Variants in PAAF1 observed in about 807,000 individuals in gnomAD.
PAAF1 encodes proteasomal ATPase-associated factor 1.
PAAF1 carries 46 observed loss-of-function variants against 52.8 expected under a neutral mutation model. The ratio of observed to expected loss-of-function variants is 0.87; its 90% CI spans 0.69 to 1.11. The LOEUF is 1.11. PAAF1 is among the 50% of genes most tolerant of loss of function. The pLI, the probability that PAAF1 is intolerant of heterozygous loss-of-function variation, is 0.00. For synonymous variants in PAAF1, 178 were observed against 172.8 expected (o/e 1.03, Z -0.24); for missense variants, 424 against 477.4 (o/e 0.89, Z 1.04).
At chr11:73,911,397 G>A (rs1316950755) in intron 7 of PAAF1, among the ~76,000 whole-genome samples, 1 of 152,066 alleles carries the variant, frequency 6.6e-6, no homozygotes, top group Admixed American at 6.6e-5. Context: ...TGCCCAGGCT[G>A]GTGTTGAACT....
intron 10 of PAAF1, among the ~76,000 whole-genome samples, chr11:73,923,820 A>G (rs966225531): frequency 2.6e-5 from 4 of 152,124 alleles, no homozygotes; most frequent in Admixed American, 2.0e-4. Flanking sequence ...TAAGAATTAG[A>G]TACACTTTTA....
intron 4 of PAAF1, among the ~76,000 whole-genome samples, chr11:73,898,052 G>A (rs545686461): frequency 1.3e-4 from 20 of 152,278 alleles, no homozygotes; most frequent in African/African-American, 3.4e-4. Flanking sequence ...GCGTGGCGGC[G>A]CGCGCCTGCA....
intron 7 of PAAF1, among the ~76,000 whole-genome samples, chr11:73,912,367 C>G (rs1949956485): frequency 1.3e-5 from 2 of 152,086 alleles, no homozygotes; most frequent in Admixed American, 1.3e-4. Context: ...TTTTTTCCAT[C>G]TCAGAAGATG....
At chr11:73,898,645 T>C (rs1949503276) in intron 4 of PAAF1, among the ~76,000 whole-genome samples, 1 of 152,110 alleles carries the variant, frequency 6.6e-6, no homozygotes, top group African/African-American at 2.4e-5. Context: ...GGTGAAACTC[T>C]GTCTCTACCG....
At chr11:73,888,601 G>A (rs915305637) in intron 3 of PAAF1, among the ~76,000 whole-genome samples, 30 of 152,018 alleles carry the variant, frequency 2.0e-4, no homozygotes, top group African/African-American at 7.2e-4. Context: ...AAATATTTTG[G>A]GTATACTGAC....
chr11:73,878,717 G>T (rs561614647), intron 1 of PAAF1, 62 bp from the exon 2 acceptor site: 2 of 1,502,394 alleles, frequency 1.3e-6, no homozygotes, highest in Non-Finnish European at 9.2e-7. Flanking sequence ...TTCTTCCCTT[G>T]TAACTATGGG....
At chr11:73,896,625 C>T (rs1020870150) in intron 4 of PAAF1, among the ~76,000 whole-genome samples, 9 of 151,950 alleles carry the variant, frequency 5.9e-5, no homozygotes, top group Non-Finnish European at 8.8e-5. Context: ...GTAAGGTCAC[C>T]GATCAACAGG....
intron 5 of PAAF1, 126 bp downstream of exon 5, chr11:73,899,370 C>A: frequency 1.9e-6 from 1 of 517,890 alleles, no homozygotes; most frequent in Non-Finnish European, 3.5e-6. Flanking sequence ...GTCAGTTGAT[C>A]TCTTTTCTCC....
chr11:73,903,727 A>C (rs999701834), intron 6 of PAAF1, among the ~76,000 whole-genome samples: 2 of 151,774 alleles, frequency 1.3e-5, no homozygotes, highest in Non-Finnish European at 2.9e-5. Context: ...AAAAAAAAAA[A>C]AAATCTCTTA....
In PAAF1 at chr11:73,930,535, C is replaced by G. The variant is rs1202735542; in HGVS notation, c.*3173C>G. On this transcript the variant is annotated 3_prime_UTR_variant, in exon 12 of 12. Coordinates refer to ENST00000310571, the MANE Select transcript of PAAF1 (RefSeq NM_025155.3). ...GCTGGGGTGGGTGGATCGCTGGAGCCCAGGAATTGGAGACCAGCCTGCACA... is the reference window on the plus strand; with the variant it reads ...GCTGGGGTGGGTGGATCGCTGGAGCGCAGGAATTGGAGACCAGCCTGCACA... The G allele has an allele frequency of 6.6e-6, 1 of 151,684 alleles. No individual in the cohort carries two copies. The highest frequency in any genetic ancestry group is 1.5e-5 in the Non-Finnish European group (1 of 67,978). 9.4% of individuals were successfully genotyped at this position (151,684 alleles called of 1,614,324 possible). A position where few individuals can be genotyped will look rare whatever the true frequency, so the allele number is the denominator to read the frequency against.
At chr11:73,924,736 A>G (rs775307266) in intron 11 of PAAF1, 39 bp downstream of exon 11, 13 of 1,520,836 alleles carry the variant, frequency 8.5e-6, no homozygotes, top group African/African-American at 1.4e-5. Context: ...GGTGATTCTC[A>G]TGAGAGATCT....
At chr11:73,890,771 T>C (rs1434958915) in intron 3 of PAAF1, among the ~76,000 whole-genome samples, 1 of 152,244 alleles carries the variant, frequency 6.6e-6, no homozygotes, top group African/African-American at 2.4e-5. Flanking sequence ...GCCCCACTGC[T>C]AATTGAGAGT....
intron 11 of PAAF1, among the ~76,000 whole-genome samples, chr11:73,925,090 G>A (rs1950317010): frequency 6.6e-6 from 1 of 151,100 alleles, no homozygotes; most frequent in Admixed American, 6.6e-5. Flanking sequence ...GGGAGGTGGA[G>A]GCTGCAGTGA....
chr11:73,927,962 C>T lies in PAAF1; in HGVS notation c.*600C>T, dbSNP rs1328356419. ...TTTCTGTGACTTGAAACTTTCAATGCCAAAACTGGGGCAGTCTCAAACCAA... is the reference window on the plus strand; with the variant it reads ...TTTCTGTGACTTGAAACTTTCAATGTCAAAACTGGGGCAGTCTCAAACCAA... On this transcript the variant is annotated 3_prime_UTR_variant, in exon 12 of 12. Coordinates refer to ENST00000310571, the MANE Select transcript of PAAF1 (RefSeq NM_025155.3). 6.5e-6 allele frequency: 1 copy of T among 153,216 alleles called. No individual in the cohort carries two copies. Among genetic ancestry groups the T allele is most frequent in the African/African-American group, 2.4e-5 (1 of 41,416 alleles). The allele number at this position is 153,216 out of a possible 1,614,324, so 9.5% of individuals were successfully genotyped here. A position where few individuals can be genotyped will look rare whatever the true frequency, so the allele number is the denominator to read the frequency against.
chr11:73,887,537 AT>A, intron 3 of PAAF1, 80 bp downstream of exon 3: 1 of 879,800 alleles, frequency 1.1e-6, no homozygotes, highest in Non-Finnish European at 1.7e-6. Flanking sequence ...TATTTATACT[AT>A]TATCTGTGTA....
rs572887264 is a variant in PAAF1 at position 73,904,097 on chromosome 11, G to A, written c.532+3677G>A. Among the ~76,000 whole-genome samples, 30 of 150,706 alleles carry A rather than the reference G, an allele frequency of 2.0e-4. 1 individual carries two copies. The East Asian group carries it at 4.5e-3, about 23-fold the overall frequency. ...AGACTCCGTCTCAAAAAAAAAAAAA[G>A]TATATATATATACATAAATTGGTCC... On this transcript the variant is annotated intron_variant, in intron 6 of 11. Coordinates refer to ENST00000310571, the MANE Select transcript of PAAF1 (RefSeq NM_025155.3).
At chr11:73,890,566 T>C (rs879775129) in intron 3 of PAAF1, among the ~76,000 whole-genome samples, 2 of 152,256 alleles carry the variant, frequency 1.3e-5, no homozygotes, top group Admixed American at 1.3e-4. Flanking sequence ...CTACATATTT[T>C]ATGGGTGTAC....
At chr11:73,924,813 T>A in intron 11 of PAAF1, 116 bp downstream of exon 11, 1 of 777,538 alleles carries the variant, frequency 1.3e-6, no homozygotes, top group Non-Finnish European at 2.1e-6. Context: ...GTGCTTATTG[T>A]ATAAGCAGTG....
chr11:73,896,251 ACT>A (rs557900455), intron 4 of PAAF1, among the ~76,000 whole-genome samples: 1,638 of 135,644 alleles, frequency 0.012, 12 homozygotes, highest in Middle Eastern at 0.043. Context: ...AAATATCTGA[ACT>A]CTTTTTTTTT....
Sources: allele counts gnomAD v4.1 joint callset (sites outside exome capture counted in the v4.1 genomes callset), GRCh38; gene constraint gnomAD v4.1.1; transcripts MANE v1.5; gene names NCBI Gene and HGNC (gene_info 2026-07-23, HGNC 2026-07-21).